Variants in NTM observed in about 807,000 individuals in gnomAD.
NTM encodes the protein IgLON family member 2.
In NTM, 13 loss-of-function variants were observed where a neutral mutation model predicts 42.1. The observed-to-expected ratio is 0.31, with a 90% CI of 0.20 to 0.49. The LOEUF (loss-of-function observed/expected upper bound fraction) is 0.49. Among genes scored for constraint, NTM ranks in the 20% least tolerant of loss-of-function variants. The probability of loss-of-function intolerance (pLI) is 0.99; values close to 1 mark genes in which losing one functional copy is unlikely to be tolerated. For missense variants in NTM, 373 were observed against 452.8 expected (o/e 0.82, Z 1.60); for synonymous variants, 187 against 179.2 (o/e 1.04, Z -0.35).
At chr11:131,771,907 G>A (rs963746153) in intron 1 of NTM, among the ~76,000 whole-genome samples, 8 of 152,294 alleles carry the variant, frequency 5.3e-5, no homozygotes, top group Admixed American at 2.0e-4. Flanking sequence ...TGGCCCCATC[G>A]TGAGAAGACG....
At chr11:132,331,989 C>T (rs1015962186) in intron 8 of NTM, among the ~76,000 whole-genome samples, 1 of 152,140 alleles carries the variant, frequency 6.6e-6, no homozygotes, top group South Asian at 2.1e-4. Context: ...ATGTAGTGCT[C>T]GGTCCACTGA....
At chr11:131,797,908 T>C (rs2091746814) in intron 1 of NTM, among the ~76,000 whole-genome samples, 1 of 152,174 alleles carries the variant, frequency 6.6e-6, no homozygotes, top group South Asian at 2.1e-4. Context: ...ATAATTCCAA[T>C]TGTGCACAAG....
intron 2 of NTM, among the ~76,000 whole-genome samples, chr11:132,000,306 C>A (rs1438457991): frequency 6.6e-6 from 1 of 152,222 alleles, no homozygotes; most frequent in Non-Finnish European, 1.5e-5. Flanking sequence ...TGGGGGAGTT[C>A]TGTGGCCAGC....
At chr11:131,421,281 T>C (rs1438002175) in intron 1 of NTM, among the ~76,000 whole-genome samples, 1 of 152,196 alleles carries the variant, frequency 6.6e-6, no homozygotes, top group Admixed American at 6.5e-5. Flanking sequence ...GCTAATATTT[T>C]TTCTGTGAAG....
chr11:132,239,870 C>A (rs1042820599), intron 4 of NTM, among the ~76,000 whole-genome samples: 1 of 152,284 alleles, frequency 6.6e-6, no homozygotes, highest in East Asian at 1.9e-4. Context: ...ATATTGTCTA[C>A]CAAACTGTTC....
At chr11:131,374,222 C>T (rs1393180863) in intron 1 of NTM, among the ~76,000 whole-genome samples, 4 of 152,212 alleles carry the variant, frequency 2.6e-5, no homozygotes, top group Admixed American at 6.5e-5. Flanking sequence ...CAACTTGAGG[C>T]AAGTTCCTGG....
intron 7 of NTM, among the ~76,000 whole-genome samples, chr11:132,329,296 A>G (rs1306593933): frequency 6.6e-6 from 1 of 152,250 alleles, no homozygotes; most frequent in Non-Finnish European, 1.5e-5. Context: ...GTAAAAGATT[A>G]GAGATCATTC....
intron 1 of NTM, among the ~76,000 whole-genome samples, chr11:131,666,360 C>A (rs1290593606): frequency 6.6e-6 from 1 of 152,192 alleles, no homozygotes; most frequent in Non-Finnish European, 1.5e-5. Flanking sequence ...ATGAAACTTA[C>A]AGTTACAAAC....
chr11:132,114,900 G>C (rs1396594154), intron 2 of NTM, among the ~76,000 whole-genome samples: 2 of 152,198 alleles, frequency 1.3e-5, no homozygotes, highest in Non-Finnish European at 1.5e-5. Context: ...TAATGCTGCA[G>C]TGAACATGGG....
intron 1 of NTM, among the ~76,000 whole-genome samples, chr11:131,764,544 T>G (rs1010916759): frequency 6.6e-6 from 1 of 152,212 alleles, no homozygotes; most frequent in African/African-American, 2.4e-5. Flanking sequence ...GAATTTTGGC[T>G]CTGCCACTAA....
intron 7 of NTM, 191 bp downstream of exon 7, chr11:132,314,894 C>A (rs910902073): frequency 1.5e-6 from 2 of 1,349,282 alleles, no homozygotes; most frequent in Non-Finnish European, 9.5e-7. Context: ...AGGAGGCAGA[C>A]AGAAAGAGAA....
At chr11:131,662,349 G>C (rs1157779764) in intron 1 of NTM, 1 of 152,158 alleles carries the variant, frequency 6.6e-6, no homozygotes, top group Non-Finnish European at 1.5e-5. Flanking sequence ...TTCCTCCGAA[G>C]ACACTGTGAC....
chr11:131,389,747 C>T lies in NTM; in HGVS notation c.82+18859C>T, dbSNP rs549308611. Among the ~76,000 whole-genome samples the T allele has an allele frequency of 5.9e-5, 9 of 152,328 alleles. No individual in the cohort carries two copies. In the South Asian group the frequency reaches 1.9e-3, roughly 32 times the overall value. On this transcript the variant is annotated intron_variant, in intron 1 of 8. Transcript: ENST00000683400. Reference sequence around the variant, plus strand: ...GACTGTGTGTGTAAGGCTGGGTGTGCTGTAACTGGCTGCGTTACAAATAGG... The same window carrying T: ...GACTGTGTGTGTAAGGCTGGGTGTGTTGTAACTGGCTGCGTTACAAATAGG...
At chr11:132,193,034 A>C (rs1343302268) in intron 3 of NTM, among the ~76,000 whole-genome samples, 2 of 152,226 alleles carry the variant, frequency 1.3e-5, no homozygotes, top group Non-Finnish European at 2.9e-5. Flanking sequence ...AGATATTTAG[A>C]TAAACATGCA....
chr11:131,858,696 C>T (rs2046338583), intron 1 of NTM, among the ~76,000 whole-genome samples: 2 of 152,216 alleles, frequency 1.3e-5, no homozygotes, highest in African/African-American at 2.4e-5. Context: ...CTCTGCAGCA[C>T]GTTGAGCCGC....
At chr11:132,234,858 A>T (rs1348676991) in intron 4 of NTM, among the ~76,000 whole-genome samples, 2 of 152,178 alleles carry the variant, frequency 1.3e-5, no homozygotes, top group Non-Finnish European at 2.9e-5. Flanking sequence ...AAAATGTGTA[A>T]TATGTGTTTG....
chr11:131,898,874 T>C (rs1462008662), intron 1 of NTM, among the ~76,000 whole-genome samples: 3 of 152,208 alleles, frequency 2.0e-5, no homozygotes, highest in Non-Finnish European at 4.4e-5. Context: ...AGGCCAACGC[T>C]GTGGAGCACA....
chr11:131,411,745 G>A (rs933302300), intron 1 of NTM, among the ~76,000 whole-genome samples: 5 of 152,018 alleles, frequency 3.3e-5, no homozygotes, highest in African/African-American at 7.2e-5. Context: ...ATGCCTTTCC[G>A]CCCACCATGC....
At chr11:131,378,801 C>T (rs1209787486) in intron 1 of NTM, among the ~76,000 whole-genome samples, 1 of 152,162 alleles carries the variant, frequency 6.6e-6, no homozygotes, top group Non-Finnish European at 1.5e-5. Flanking sequence ...TCTCTTCTAC[C>T]TAGCCTCCCT....
Sources: gnomAD v4.1 joint callset for allele counts (sites outside exome capture counted in the v4.1 genomes callset) on GRCh38, gnomAD v4.1.1 for gene constraint, MANE v1.5 for transcripts, NCBI Gene and HGNC (gene_info 2026-07-23, HGNC 2026-07-21) for gene names.